Variants in NTM observed in about 807,000 individuals in gnomAD.
The protein encoded by NTM is neurotrimin.
Under a neutral mutation model 42.1 loss-of-function variants are expected in NTM, and 13 were observed. The ratio of observed to expected loss-of-function variants is 0.31; its 90% CI spans 0.20 to 0.49. The LOEUF (loss-of-function observed/expected upper bound fraction) is 0.49, where lower values mean the gene tolerates loss of function less well. NTM is among the 20% of genes least tolerant of loss of function. The pLI is 0.99. For synonymous variants in NTM, 187 were observed against 179.2 expected (o/e 1.04, Z -0.35); for missense variants, 373 against 452.8 (o/e 0.82, Z 1.60).
At chr11:132,211,040 A>G (rs2082748724) in intron 3 of NTM, among the ~76,000 whole-genome samples, 1 of 152,168 alleles carries the variant, frequency 6.6e-6, no homozygotes, top group Admixed American at 6.5e-5. Context: ...GGGCACATGG[A>G]TGAAGAAGCA....
intron 1 of NTM, among the ~76,000 whole-genome samples, chr11:131,565,589 G>A (rs1325439730): frequency 6.6e-6 from 1 of 152,206 alleles, no homozygotes; most frequent in Non-Finnish European, 1.5e-5. Flanking sequence ...TCTGGACTTT[G>A]TATGGTACTC....
intron 1 of NTM, among the ~76,000 whole-genome samples, chr11:131,842,071 T>G (rs1565618763): frequency 6.6e-6 from 1 of 152,204 alleles, no homozygotes; most frequent in Non-Finnish European, 1.5e-5. Context: ...TTGCACCACA[T>G]GAGCGAGCAG....
At chr11:131,742,628 T>C (rs994066457) in intron 1 of NTM, among the ~76,000 whole-genome samples, 19 of 152,216 alleles carry the variant, frequency 1.2e-4, no homozygotes, top group African/African-American at 4.3e-4. Flanking sequence ...TAATATGTTG[T>C]GAGTTATTTG....
rs11433579 is a variant in NTM, at chr11:132,256,634, A to ATT, written c.526+44502_526+44503dup. 4.8e-3 allele frequency among the ~76,000 whole-genome samples: 657 copies of ATT among 137,302 alleles called. 5 individuals are homozygous for ATT. The highest frequency in any genetic ancestry group is 0.015 in the African/African-American group (553 of 37,602). 90.1% of individuals were successfully genotyped at this position (137,302 alleles called of 152,430 possible). On this transcript the variant is annotated intron_variant, in intron 4 of 8. Coordinates refer to ENST00000683400, the MANE Select transcript of NTM (RefSeq NM_001352005.2). The stretch of plus-strand genomic sequence containing the variant: ...GAGCTGGCTCTCGCTCTGTTGGTTG[A>ATT]TTTTTTTTTTTTTTTTCCCCTGGGC...
chr11:131,712,866 C>T (rs1305003670), intron 1 of NTM, among the ~76,000 whole-genome samples: 4 of 151,776 alleles, frequency 2.6e-5, no homozygotes, highest in Non-Finnish European at 4.4e-5. Context: ...CCATGGTGCC[C>T]GGCCAAGACA....
intron 1 of NTM, among the ~76,000 whole-genome samples, chr11:131,587,160 C>G (rs2058943485): frequency 6.6e-6 from 1 of 152,102 alleles, no homozygotes; most frequent in East Asian, 1.9e-4. Context: ...GATAAGGTAG[C>G]TAAGGCACAG....
At chr11:131,975,758 C>T (rs185281988) in intron 2 of NTM, among the ~76,000 whole-genome samples, 6 of 152,188 alleles carry the variant, frequency 3.9e-5, no homozygotes, top group African/African-American at 1.4e-4. Context: ...CTCAGCTTAC[C>T]GCTCTTCCAC....
chr11:131,467,492 G>A (rs1952005495), intron 1 of NTM, among the ~76,000 whole-genome samples: 1 of 152,172 alleles, frequency 6.6e-6, no homozygotes, highest in Non-Finnish European at 1.5e-5. Context: ...CTGGCCAAGT[G>A]GAGAGCTGGC....
At chr11:131,830,866 C>T (rs181551520) in intron 1 of NTM, among the ~76,000 whole-genome samples, 2 of 152,218 alleles carry the variant, frequency 1.3e-5, no homozygotes, top group African/African-American at 4.8e-5. Context: ...TTATAGTTCT[C>T]CTTGTAGATA....
At chr11:132,158,906 G>T (rs867817243) in intron 3 of NTM, among the ~76,000 whole-genome samples, 1 of 152,184 alleles carries the variant, frequency 6.6e-6, no homozygotes, top group South Asian at 2.1e-4. Flanking sequence ...CCAGGTCACT[G>T]CCTGGAAAGA....
intron 1 of NTM, among the ~76,000 whole-genome samples, chr11:131,836,124 C>T (rs765692867): frequency 4.6e-5 from 7 of 152,134 alleles, no homozygotes; most frequent in East Asian, 3.9e-4. Context: ...GGTAGTAATG[C>T]GGTTGTGTTT....
intron 1 of NTM, among the ~76,000 whole-genome samples, chr11:131,485,068 T>A (rs1306252299): frequency 1.3e-5 from 2 of 152,010 alleles, no homozygotes; most frequent in Non-Finnish European, 2.9e-5. Context: ...TAGCATAGAG[T>A]CTGTAGTATT....
chr11:131,625,460 C>G (rs1592270165), intron 1 of NTM, among the ~76,000 whole-genome samples: 1 of 152,038 alleles, frequency 6.6e-6, no homozygotes, highest in Non-Finnish European at 1.5e-5. Context: ...CTGGAGACTT[C>G]TTAGAGAAAG....
chr11:131,625,664 C>T (rs1324006905), intron 1 of NTM, among the ~76,000 whole-genome samples: 3 of 152,056 alleles, frequency 2.0e-5, no homozygotes, highest in African/African-American at 7.2e-5. Flanking sequence ...AAATAACCAG[C>T]ATGCCAATAA....
chr11:131,705,488 A>C (rs2076503487), intron 1 of NTM, among the ~76,000 whole-genome samples: 1 of 152,216 alleles, frequency 6.6e-6, no homozygotes, highest in Admixed American at 6.5e-5. Flanking sequence ...AAGTTCTTCA[A>C]GTTGAAATGA....
At chr11:132,258,350 G>T (rs531069171) in intron 4 of NTM, among the ~76,000 whole-genome samples, 1 of 152,162 alleles carries the variant, frequency 6.6e-6, no homozygotes, top group African/African-American at 2.4e-5. Context: ...GTGAACATGC[G>T]TTAAATATAT....
chr11:132,142,048 T>G (rs1344655386), intron 2 of NTM, among the ~76,000 whole-genome samples: 1 of 152,180 alleles, frequency 6.6e-6, no homozygotes, highest in Non-Finnish European at 1.5e-5. Context: ...CCTCTGTCCC[T>G]CTATTCTTCA....
chr11:131,946,755 T>G (rs1178542250), intron 2 of NTM, among the ~76,000 whole-genome samples: 1 of 152,238 alleles, frequency 6.6e-6, no homozygotes, highest in African/African-American at 2.4e-5. Flanking sequence ...CATGTCTGTA[T>G]GTATAAATTA....
At chr11:131,464,896 C>A (rs937515406) in intron 1 of NTM, among the ~76,000 whole-genome samples, 1 of 152,234 alleles carries the variant, frequency 6.6e-6, no homozygotes, top group Non-Finnish European at 1.5e-5. Context: ...GATAGCTCTG[C>A]TGGACAAGAC....
Sources: gnomAD v4.1 joint callset for allele counts (sites outside exome capture counted in the v4.1 genomes callset) on GRCh38, gnomAD v4.1.1 for gene constraint, MANE v1.5 for transcripts, NCBI Gene and HGNC (gene_info 2026-07-23, HGNC 2026-07-21) for gene names.